Variants in TCF12 observed in about 807,000 individuals in gnomAD.
The protein encoded by TCF12 is transcription factor 12.
In TCF12, 45 loss-of-function variants were observed where a neutral mutation model predicts 86.0. The ratio of observed to expected loss-of-function variants is 0.52; its 90% CI spans 0.41 to 0.67. The LOEUF is 0.67. TCF12 is among the 30% of genes least tolerant of loss of function. TCF12 has a pLI of 0.00. For missense variants in TCF12, 881 were observed against 859.9 expected (o/e 1.02, Z -0.31); for synonymous variants, 330 against 299.6 (o/e 1.10, Z -1.05).
intron 8 of TCF12, among the ~76,000 whole-genome samples, chr15:57,225,335 G>T (rs1324448755): frequency 7.0e-6 from 1 of 142,964 alleles, no homozygotes; most frequent in East Asian, 2.1e-4. Context: ...CGCCTCCCAG[G>T]TTCACATCAT....
intron 13 of TCF12, chr15:57,251,068 T>C (rs1597640858): frequency 3.3e-6 from 1 of 299,584 alleles, no homozygotes; most frequent in Admixed American, 4.7e-5. Flanking sequence ...TCAAGATACA[T>C]AGGCATGTGG....
At chr15:56,993,947 A>G (rs549438280) in intron 3 of TCF12, among the ~76,000 whole-genome samples, 2 of 152,326 alleles carry the variant, frequency 1.3e-5, no homozygotes, top group East Asian at 1.9e-4. Context: ...TAACGTTGGA[A>G]TTATCTGACA....
At chr15:56,919,175 G>T (rs1056039031) in intron 1 of TCF12, 1 of 151,830 alleles carries the variant, frequency 6.6e-6, no homozygotes, top group East Asian at 1.9e-4. Flanking sequence ...AGGCTCCGGG[G>T]CGCGCGGGAG....
chr15:57,032,963 A>G (rs1250446023), intron 3 of TCF12, among the ~76,000 whole-genome samples: 1 of 152,244 alleles, frequency 6.6e-6, no homozygotes, highest in Non-Finnish European at 1.5e-5. Flanking sequence ...CAAATGTTAC[A>G]CTAAAGTATC....
At chr15:57,148,128 C>T (rs2151439463) in intron 5 of TCF12, among the ~76,000 whole-genome samples, 1 of 152,174 alleles carries the variant, frequency 6.6e-6, no homozygotes, top group Non-Finnish European at 1.5e-5. Context: ...AAGCCATCCT[C>T]CCACCTTGGC....
intron 5 of TCF12, among the ~76,000 whole-genome samples, chr15:57,100,265 C>A (rs566157541): frequency 6.6e-6 from 1 of 152,100 alleles, no homozygotes; most frequent in Non-Finnish European, 1.5e-5. Flanking sequence ...TTTTAAGGAG[C>A]TTTTGTAGCT....
intron 4 of TCF12, among the ~76,000 whole-genome samples, chr15:57,088,972 T>C (rs1470013762): frequency 1.3e-5 from 2 of 152,190 alleles, no homozygotes; most frequent in African/African-American, 4.8e-5. Context: ...CACCAAAAGT[T>C]ATACTATGGG....
intron 3 of TCF12, among the ~76,000 whole-genome samples, chr15:56,967,153 AAAT>A (rs1422812404): frequency 3.3e-5 from 5 of 152,194 alleles, no homozygotes; most frequent in African/African-American, 1.2e-4. Context: ...ACCAAAAAAA[AAAT>A]ATTAAGTTGA....
chr15:56,934,878 G>A lies in TCF12; in HGVS notation c.148+13780G>A, dbSNP rs535913376. On this transcript the variant is annotated intron_variant, in intron 3 of 20. Coordinates refer to ENST00000333725, the MANE Select transcript of TCF12 (RefSeq NM_207037.2). Reference sequence around the variant, plus strand: ...GTTCTTCAGAATAAGACATTAACTGGGTTTGGGAGAAAAGGGTCATGGAAC... The same window carrying A: ...GTTCTTCAGAATAAGACATTAACTGAGTTTGGGAGAAAAGGGTCATGGAAC... 4.9e-4 allele frequency among the ~76,000 whole-genome samples: 74 copies of A among 152,216 alleles called. No individual in the cohort carries two copies. The Middle Eastern group carries it at 0.01, about 21-fold the overall frequency.
At chr15:56,991,315 C>G (rs745440431) in intron 3 of TCF12, among the ~76,000 whole-genome samples, 36 of 152,126 alleles carry the variant, frequency 2.4e-4, no homozygotes, top group African/African-American at 8.2e-4. Flanking sequence ...ACCAGTCTTC[C>G]GTTTCCATCT....
rs2152020940 is a variant in TCF12 at position 57,253,486 on chromosome 15, T to C, written c.1467+18T>C. ...CTTCAATGGTAAAATCATGCTCATC[T>C]TTTTTGTAGTAAACCCTAAAGATTC... On this transcript the variant is annotated intron_variant, in intron 16 of 20. Coordinates refer to ENST00000333725, the MANE Select transcript of TCF12 (RefSeq NM_207037.2). 1.2e-6 allele frequency: 2 copies of C among 1,612,288 alleles called. No homozygotes were observed. Among genetic ancestry groups the C allele is most frequent in the East Asian group, 4.5e-5 (2 of 44,780 alleles).
At chr15:57,093,133 A>T (rs1218182498) in intron 5 of TCF12, among the ~76,000 whole-genome samples, 1 of 152,226 alleles carries the variant, frequency 6.6e-6, no homozygotes, top group Non-Finnish European at 1.5e-5. Flanking sequence ...GCGTAAATAA[A>T]TGCACATAGA....
chr15:57,043,035 A>T (rs188681090), intron 3 of TCF12, among the ~76,000 whole-genome samples: 1 of 152,092 alleles, frequency 6.6e-6, no homozygotes, highest in African/African-American at 2.4e-5. Flanking sequence ...CTTTATTAAC[A>T]TGTCATCCTG....
chr15:57,289,326 AAT>A lies in TCF12; in HGVS notation c.*3185_*3186del, dbSNP rs754380624. 1 of 152,206 alleles carries A rather than the reference AAT, an allele frequency of 6.6e-6. No individual in the cohort carries two copies. The highest frequency in any genetic ancestry group is 2.4e-5 in the African/African-American group (1 of 41,448). The allele number at this position is 152,206 out of a possible 1,614,324, so 9.4% of individuals were successfully genotyped here. A position where few individuals can be genotyped will look rare whatever the true frequency, so the allele number is the denominator to read the frequency against. ...ATGTATAATCTTAGAGCTGAAATAAAATATAGAGACCATCTAGTAAATGACCT... is the reference window on the plus strand; with the variant it reads ...ATGTATAATCTTAGAGCTGAAATAAAATAGAGACCATCTAGTAAATGACCT... On this transcript the variant is annotated 3_prime_UTR_variant, in exon 21 of 21. Transcript: ENST00000333725.
At chr15:56,942,901 G>C (rs1713666822) in intron 3 of TCF12, among the ~76,000 whole-genome samples, 1 of 152,064 alleles carries the variant, frequency 6.6e-6, no homozygotes, top group South Asian at 2.1e-4. Flanking sequence ...AGGTGACATG[G>C]GAAGAAAGTG....
At chr15:57,063,689 T>C in intron 3 of TCF12, 61 bp from the exon 4 acceptor site, 2 of 1,478,046 alleles carry the variant, frequency 1.4e-6, no homozygotes, top group Non-Finnish European at 1.9e-6. Flanking sequence ...TGCTGTCCCG[T>C]ACCAAAAAAA....
intron 5 of TCF12, among the ~76,000 whole-genome samples, chr15:57,098,936 A>T (rs2049530937): frequency 1.3e-5 from 2 of 152,174 alleles, no homozygotes; most frequent in African/African-American, 4.8e-5. Context: ...AGGAGAGTGG[A>T]TGTGAGAAGT....
rs2593245 is a variant in TCF12 at position 57,167,664 on chromosome 15, A to G, written c.390+1198A>G. 8.4e-3 allele frequency among the ~76,000 whole-genome samples: 1,282 copies of G among 152,238 alleles called. 29 individuals are homozygous for G. The highest frequency in any genetic ancestry group is 0.029 in the African/African-American group (1,214 of 41,528). On this transcript the variant is annotated intron_variant, in intron 6 of 20. Transcript: ENST00000333725. ...ATATATTGTAAAAATTCAGGATCAT[A>G]TATTCCCATGTCCTTAATGGCAAAT...
At chr15:56,938,487 T>A (rs568575088) in intron 3 of TCF12, among the ~76,000 whole-genome samples, 1 of 152,232 alleles carries the variant, frequency 6.6e-6, no homozygotes, top group South Asian at 2.1e-4. Flanking sequence ...TTGTGTCCTT[T>A]CCTGGTTTTG....
Sources: allele counts gnomAD v4.1 joint callset (sites outside exome capture counted in the v4.1 genomes callset), GRCh38; gene constraint gnomAD v4.1.1; transcripts MANE v1.5; gene names NCBI Gene and HGNC (gene_info 2026-07-23, HGNC 2026-07-21).